The following PGM3 variants were observed in gnomAD, a reference collection of about 807,000 sequenced individuals.
PGM3 encodes the protein phosphoacetylglucosamine mutase.
PGM3 carries 40 observed loss-of-function variants against 66.2 expected under a neutral mutation model. That is an observed-to-expected ratio of 0.60 (90% CI 0.47 to 0.79). The LOEUF is 0.79. Ranked by LOEUF, PGM3 falls within the 30% of genes least tolerant of loss-of-function variation. The pLI is 0.00. For missense variants in PGM3, 537 were observed against 643.4 expected, an observed-to-expected ratio of 0.83 and a Z score of 1.79; for synonymous variants, 191 against 224.2, an observed-to-expected ratio of 0.85 and a Z score of 1.32.
downstream of PGM3, among the ~76,000 whole-genome samples, chr6:83,160,166 G>C (rs1052824152): frequency 1.3e-5 from 2 of 152,188 alleles, no homozygotes; most frequent in South Asian, 2.1e-4. Flanking sequence ...AACAGATTGA[G>C]TACCTCCAGA....
intron 9 of PGM3, among the ~76,000 whole-genome samples, chr6:83,175,524 TG>T (rs1329389189): frequency 6.6e-6 from 1 of 152,210 alleles, no homozygotes; most frequent in African/African-American, 2.4e-5. Context: ...CACTTTAAAA[TG>T]TAATTTTATG....
intron 11 of PGM3, 108 bp from the exon 12 acceptor site, chr6:83,170,586 T>C (rs1583247206): frequency 2.4e-6 from 2 of 833,472 alleles, no homozygotes; most frequent in Non-Finnish European, 3.8e-6. Context: ...TAAAATTACA[T>C]TAAAACTTCT....
At chr6:83,156,236 T>C, downstream of PGM3, 1 of 685,096 alleles carries the variant, frequency 1.5e-6, no homozygotes, top group Non-Finnish European at 2.3e-6. Flanking sequence ...ATTTTTCTAC[T>C]GAAACAATGA....
downstream of PGM3, among the ~76,000 whole-genome samples, chr6:83,163,495 G>A (rs1235071995): frequency 7.9e-5 from 12 of 152,074 alleles, no homozygotes; most frequent in South Asian, 2.1e-3. Context: ...TCAGAATAAA[G>A]GAAATAATCA....
At position 83,165,972 on chromosome 6, in the gene PGM3, G is replaced by T; in HGVS notation, c.*3262C>A. On this transcript the variant is annotated 3_prime_UTR_variant, in exon 13 of 13. Coordinates refer to ENST00000513973, the MANE Select transcript of PGM3 (RefSeq NM_015599.3). ...CAAACAATGACCATGACCATTTTTTGGAGCAAGTTTGGCTTTGGGAAGTGC... is the reference window on the plus strand; with the variant it reads ...CAAACAATGACCATGACCATTTTTTTGAGCAAGTTTGGCTTTGGGAAGTGC... 3.0e-6 allele frequency: 1 copy of T among 335,676 alleles called. No homozygotes were observed. The highest frequency in any genetic ancestry group is 8.0e-5 in the East Asian group (1 of 12,548). 20.8% of individuals were successfully genotyped at this position (335,676 alleles called of 1,614,324 possible).
At position 83,167,753 on chromosome 6, in the gene PGM3, C is replaced by A; in HGVS notation, c.*1481G>T. The A allele has an allele frequency of 1.4e-6, 2 of 1,450,112 alleles. No individual in the cohort carries two copies. Among genetic ancestry groups the A allele is most frequent in the Non-Finnish European group, 1.8e-6 (2 of 1,102,214 alleles). 89.8% of individuals were successfully genotyped at this position (1,450,112 alleles called of 1,614,324 possible). A position where few individuals can be genotyped will look rare whatever the true frequency, so the allele number is the denominator to read the frequency against. Reference sequence around the variant, plus strand: ...AGGTCAGGAGTTAGAAACTTAATGTCATTTGTATTCATTTCTTGACCAATT... The same window carrying A: ...AGGTCAGGAGTTAGAAACTTAATGTAATTTGTATTCATTTCTTGACCAATT... On this transcript the variant is annotated 3_prime_UTR_variant, in exon 13 of 13. Transcript: ENST00000513973.
At chr6:83,169,962 A>G in intron 12 of PGM3, 1 of 381,958 alleles carries the variant, frequency 2.6e-6, no homozygotes, top group Non-Finnish European at 5.0e-6. Context: ...GGTTGTTTTC[A>G]TGTCACAAGA....
the PGM3 span, chr6:83,151,653 C>G: frequency 9.2e-5 from 148 of 1,607,334 alleles, no homozygotes; most frequent in Non-Finnish European, 1.2e-4. Context: ...ACCAAAGAGA[C>G]CTTCAGGTAA....
chr6:83,188,614 C>T lies in PGM3; in HGVS notation c.389G>A (p.Arg130Lys). The T allele has an allele frequency of 1.2e-6, 2 of 1,606,872 alleles. No individual in the cohort carries two copies. Among genetic ancestry groups the T allele is most frequent in the Non-Finnish European group, 1.7e-6 (2 of 1,173,900 alleles). ...DAFVVIGRDT[R>K]PSSEKLSQSV... ...TTTTACCAGTAACTCTTATCATCAC[C>T]TGGTATCTCTACCAATAACTACAAA... Residue 130 changes from arginine (R) to lysine (K), a missense_variant and splice_region_variant, in exon 3 of 13, where the codon AGG (arginine) becomes AAG (lysine). Coordinates refer to ENST00000513973, the MANE Select transcript of PGM3 (RefSeq NM_015599.3).
At chr6:83,188,099 A>T (rs1788721904) in intron 3 of PGM3, among the ~76,000 whole-genome samples, 1 of 152,264 alleles carries the variant, frequency 6.6e-6, no homozygotes, top group Non-Finnish European at 1.5e-5. Flanking sequence ...TGCAAAGTAT[A>T]CTTTTCATCT....
intron 3 of PGM3, 107 bp downstream of exon 3, chr6:83,188,507 G>T: frequency 1.2e-6 from 1 of 845,362 alleles, no homozygotes; most frequent in Admixed American, 2.2e-5. Flanking sequence ...TGCAACTCAG[G>T]GTAGTTCCAC....
chr6:83,168,759 A>G lies in PGM3; in HGVS notation c.*475T>C. Reference sequence around the variant, plus strand: ...TCCTGATGGCATTAGTCATATAGGTAAGTCATCTAATAATCTTTCTTAAGA... The same window carrying G: ...TCCTGATGGCATTAGTCATATAGGTGAGTCATCTAATAATCTTTCTTAAGA... On this transcript the variant is annotated 3_prime_UTR_variant, in exon 13 of 13. Coordinates refer to ENST00000513973, the MANE Select transcript of PGM3 (RefSeq NM_015599.3). 1 of 1,000,712 alleles carries G rather than the reference A, an allele frequency of 1.0e-6. No homozygotes were observed. The highest frequency in any genetic ancestry group is 1.2e-6 in the Non-Finnish European group (1 of 838,428). 62.0% of individuals were successfully genotyped at this position (1,000,712 alleles called of 1,614,324 possible).
downstream of PGM3, among the ~76,000 whole-genome samples, chr6:83,159,494 T>C (rs1269028561): frequency 2.6e-5 from 4 of 152,026 alleles, no homozygotes; most frequent in African/African-American, 9.7e-5. Flanking sequence ...TTTCATCATG[T>C]TGCCCAGGCT....
At chr6:83,188,830 TG>T (rs775483187) in intron 2 of PGM3, 32 bp from the exon 3 acceptor site, 1 of 1,578,998 alleles carries the variant, frequency 6.3e-7, no homozygotes, top group South Asian at 1.1e-5. Context: ...AAGCAATCTG[TG>T]CATACTCATG....
chr6:83,149,264 T>G, the PGM3 span, among the ~76,000 whole-genome samples: 940 of 152,198 alleles, frequency 6.2e-3, 11 homozygotes, highest in African/African-American at 0.022. Flanking sequence ...TGTCTTGAAG[T>G]TTTCTGATTT....
At chr6:83,163,235 G>T (rs1182780467), downstream of PGM3, among the ~76,000 whole-genome samples, 1 of 152,098 alleles carries the variant, frequency 6.6e-6, no homozygotes, top group African/African-American at 2.4e-5. Flanking sequence ...AACCATACAT[G>T]TGAGTATTTA....
intron 10 of PGM3, among the ~76,000 whole-genome samples, chr6:83,173,453 T>C (rs1206178915): frequency 3.3e-5 from 5 of 152,158 alleles, no homozygotes; most frequent in African/African-American, 4.8e-5. Context: ...CCCACAATGA[T>C]TGATAGAAAG....
the PGM3 span, among the ~76,000 whole-genome samples, chr6:83,155,018 C>T: frequency 2.0e-5 from 3 of 152,070 alleles, no homozygotes; most frequent in Non-Finnish European, 4.4e-5. Context: ...ATTGCGCTAA[C>T]CTTAATCAAA....
chr6:83,180,135 T>C (rs2128495201), intron 6 of PGM3, among the ~76,000 whole-genome samples, 168 bp from the exon 7 acceptor site: 1 of 152,330 alleles, frequency 6.6e-6, no homozygotes, highest in East Asian at 1.9e-4. Context: ...GGTCAAATTC[T>C]TTCACTGCAA....
Sources: allele counts gnomAD v4.1 joint callset (sites outside exome capture counted in the v4.1 genomes callset), GRCh38; gene constraint gnomAD v4.1.1; transcripts MANE v1.5; gene names NCBI Gene and HGNC (gene_info 2026-07-23, HGNC 2026-07-21).